Variants in CDC40 observed in about 807,000 individuals in gnomAD.
The protein encoded by CDC40 is cell division cycle 40.
CDC40 carries 27 observed loss-of-function variants against 80.6 expected under a neutral mutation model. The ratio of observed to expected loss-of-function variants is 0.33; its 90% CI spans 0.25 to 0.46. The LOEUF (loss-of-function observed/expected upper bound fraction) is 0.46, where lower values mean the gene tolerates loss of function less well. Ranked by LOEUF, CDC40 falls within the 20% of genes least tolerant of loss-of-function variation. CDC40 has a pLI of 1.00. For synonymous variants in CDC40, 221 were observed against 232.6 expected, an observed-to-expected ratio of 0.95 and a Z score of 0.45; for missense variants, 486 against 694.1, an observed-to-expected ratio of 0.70 and a Z score of 3.37.
At chr6:110,198,374 A>G (rs1777446988) in intron 2 of CDC40, among the ~76,000 whole-genome samples, 1 of 152,038 alleles carries the variant, frequency 6.6e-6, no homozygotes, top group African/African-American at 2.4e-5. Context: ...ATAGGGTTTC[A>G]CAATGTTGGC....
intron 12 of CDC40, among the ~76,000 whole-genome samples, chr6:110,221,683 T>C (rs1237499241): frequency 6.6e-6 from 1 of 152,200 alleles, no homozygotes; most frequent in African/African-American, 2.4e-5. Context: ...ACTCAAACTT[T>C]CTGATGTTTC....
Position 110,226,197 on chromosome 6 carries a change from A to G in CDC40, c.1371A>G (p.Ala457=), listed in dbSNP as rs1777857504. ...TCCCTGTGGATTTCAAGTACATAGC[A>G]GAACCCAGTATGCACTCAATGCCTG... The part of the protein sequence containing the change: ...WDIPVDFKYI[A]EPSMHSMPAV... The change falls in exon 13 of 15, where the codon GCA becomes GCG. Residue 457 remains alanine, a synonymous_variant. Transcript: ENST00000307731. The G allele has an allele frequency of 6.2e-7, 1 of 1,610,150 alleles. No homozygotes were observed.
chr6:110,219,819 T>C lies in CDC40; in HGVS notation c.1290T>C (p.Asn430=), dbSNP rs770549675. 1 of 1,614,094 alleles carries C rather than the reference T, an allele frequency of 6.2e-7. No homozygotes were observed. Among genetic ancestry groups the C allele is most frequent in the Non-Finnish European group, 8.5e-7 (1 of 1,179,968 alleles). ...ACACCATTGTTTTTGTGGATGAGAA[T>C]AGGAGATTTGTGAGCACATCTGATG... ...AVNTIVFVDE[N]RRFVSTSDDK... Residue 430 remains asparagine (N), a synonymous_variant, in exon 12 of 15, where the codon AAT becomes AAC. Coordinates refer to ENST00000307731, the MANE Select transcript of CDC40 (RefSeq NM_015891.3).
intron 14 of CDC40, 40 bp downstream of exon 14, chr6:110,229,016 T>C (rs1422308458): frequency 4.0e-6 from 6 of 1,498,270 alleles, no homozygotes; most frequent in Non-Finnish European, 5.5e-6. Context: ...TATTCAAATA[T>C]GATTATATAA....
At chr6:110,194,928 C>T (rs555780352) in intron 2 of CDC40, among the ~76,000 whole-genome samples, 11 of 152,008 alleles carry the variant, frequency 7.2e-5, no homozygotes, top group Non-Finnish European at 1.3e-4. Flanking sequence ...ATTTTTTTGT[C>T]GTTCTCTTTG....
chr6:110,220,539 G>T (rs1351138472), intron 12 of CDC40, among the ~76,000 whole-genome samples: 2 of 150,742 alleles, frequency 1.3e-5, no homozygotes, highest in South Asian at 2.1e-4. Context: ...CCGCCTCCCG[G>T]GTTCACGCCA....
At chr6:110,190,274 G>A (rs1327162382) in intron 1 of CDC40, among the ~76,000 whole-genome samples, 1 of 152,170 alleles carries the variant, frequency 6.6e-6, no homozygotes, top group Non-Finnish European at 1.5e-5. Flanking sequence ...GTACAAGGCG[G>A]TAACATTGCC....
intron 1 of CDC40, among the ~76,000 whole-genome samples, chr6:110,192,368 G>A (rs1777363096): frequency 6.6e-6 from 1 of 152,324 alleles, no homozygotes. Flanking sequence ...GAGGAATCAA[G>A]GAAAACTCCA....
Position 110,212,163 on chromosome 6 carries a change from C to T in CDC40, c.758C>T (p.Ser253Phe). Residue 253 changes from serine to phenylalanine, a missense_variant, in exon 7 of 15, where the codon TCC becomes TTC. Transcript: ENST00000307731. ...GAAATGTATGACTATCAAGGCAGGT[C>T]CTATCTTCACATACCTCAGGATGTT... The part of the protein sequence containing the change: ...VKEMYDYQGR[S>F]YLHIPQDVGV... 6.2e-7 allele frequency: 1 copy of T among 1,613,362 alleles called. No homozygotes were observed. The highest frequency in any genetic ancestry group is 8.5e-7 in the Non-Finnish European group (1 of 1,179,432).
At position 110,230,017 on chromosome 6, in the gene CDC40, C is replaced by G. The variant is rs941121884; in HGVS notation, c.1626C>G (p.Leu542=). The change falls in exon 15 of 15, where the codon CTC becomes CTG. Residue 542 remains leucine (L), a synonymous_variant. Transcript: ENST00000307731. Reference sequence around the variant, plus strand: ...TTTGGGACTGGAAGACCACAAAACTCTACAGTCGATTTAAAGCTCATGATA... The same window carrying G: ...TTTGGGACTGGAAGACCACAAAACTGTACAGTCGATTTAAAGCTCATGATA... ...LNIWDWKTTK[L]YSRFKAHDKV... The G allele has an allele frequency of 3.1e-6, 5 of 1,612,256 alleles. No homozygotes were observed. In the African/African-American group the frequency reaches 6.7e-5, roughly 22 times the overall value.
intron 3 of CDC40, among the ~76,000 whole-genome samples, chr6:110,202,020 T>TC (rs1777499523): frequency 6.6e-6 from 1 of 152,160 alleles, no homozygotes; most frequent in South Asian, 2.1e-4. Context: ...AATGAAAAGA[T>TC]AGTGTTAAGA....
At chr6:110,200,591 T>A (rs1417296964) in intron 2 of CDC40, among the ~76,000 whole-genome samples, 1 of 152,194 alleles carries the variant, frequency 6.6e-6, no homozygotes, top group African/African-American at 2.4e-5. Flanking sequence ...TGACATAATA[T>A]ATTCTGGTAA....
rs1777933156 is a variant in CDC40 at position 110,231,204 on chromosome 6, A to G, written c.*1073A>G. 3 of 152,208 alleles carry G rather than the reference A, an allele frequency of 2.0e-5. No homozygotes were observed. The highest frequency in any genetic ancestry group is 1.3e-4 in the Admixed American group (2 of 15,278). 9.4% of individuals were successfully genotyped at this position (152,208 alleles called of 1,614,324 possible). On this transcript the variant is annotated 3_prime_UTR_variant, in exon 15 of 15. Transcript: ENST00000307731. Reference sequence around the variant, plus strand: ...AAATAGTTTTTGAAAACATCAGATTATAAAATCAAGATAGTCCGGACGCGG... The same window carrying G: ...AAATAGTTTTTGAAAACATCAGATTGTAAAATCAAGATAGTCCGGACGCGG...
intron 4 of CDC40, 127 bp downstream of exon 4, chr6:110,207,716 G>A: frequency 1.7e-6 from 1 of 602,250 alleles, no homozygotes; most frequent in Non-Finnish European, 3.0e-6. Flanking sequence ...TGAAACAATG[G>A]AGCGATACAG....
chr6:110,192,155 T>C (rs1777357574), intron 1 of CDC40, among the ~76,000 whole-genome samples: 1 of 152,062 alleles, frequency 6.6e-6, no homozygotes, highest in African/African-American at 2.4e-5. Flanking sequence ...TTTGAAAGAA[T>C]CATACTATCT....
intron 1 of CDC40, 91 bp downstream of exon 1, chr6:110,180,724 C>T (rs749452881): frequency 7.9e-5 from 68 of 856,886 alleles, no homozygotes; most frequent in Non-Finnish European, 1.2e-4. Context: ...TTACCTCTTT[C>T]TCAGTGCTCA....
At chr6:110,192,103 T>TG (rs1319024023) in intron 1 of CDC40, among the ~76,000 whole-genome samples, 3 of 152,086 alleles carry the variant, frequency 2.0e-5, no homozygotes, top group Non-Finnish European at 4.4e-5. Flanking sequence ...GGGAGGTTAC[T>TG]GGGGGGTTTA....
intron 1 of CDC40, among the ~76,000 whole-genome samples, chr6:110,191,627 A>G (rs1365477499): frequency 6.6e-6 from 1 of 152,204 alleles, no homozygotes; most frequent in Non-Finnish European, 1.5e-5. Flanking sequence ...CACAGGAAAA[A>G]CATTTCATTC....
rs1777163113 is a variant in CDC40 at position 110,180,458 on chromosome 6, T to C, written c.14T>C (p.Ile5Thr). The change falls in exon 1 of 15, where the codon ATT (isoleucine) becomes ACT (threonine). Residue 5 changes from isoleucine to threonine, a missense_variant. Ile to Thr is a moderately conservative substitution (Grantham distance 89, BLOSUM62 -1). This residue lies in a region of CDC40 where 381 missense variants were observed against 492.1 expected (regional missense o/e 0.77). Transcript: ENST00000307731. Reference protein sequence around the residue: MSAAIAALAASYGSG... With the variant: MSAATAALAASYGSG... ...TTTGTTGCCGTCATGTCGGCTGCGA[T>C]TGCAGCTCTGGCCGCTTCCTATGGT... The C allele has an allele frequency of 6.2e-7, 1 of 1,614,166 alleles. No homozygotes were observed. The highest frequency in any genetic ancestry group is 1.7e-4 in the Middle Eastern group (1 of 6,040).
Sources: gnomAD v4.1 joint callset for allele counts (sites outside exome capture counted in the v4.1 genomes callset) on GRCh38, gnomAD v4.1.1 for gene constraint, gnomAD v4.1.1 regional missense constraint, MANE v1.5 for transcripts, NCBI Gene and HGNC (gene_info 2026-07-23, HGNC 2026-07-21) for gene names.